IQCB1: variants seen among roughly 807,000 people sequenced by gnomAD.
IQCB1 encodes the protein IQ calmodulin-binding motif-containing protein 1.
In IQCB1, 56 loss-of-function variants were observed where a neutral mutation model predicts 84.4. The ratio of observed to expected loss-of-function variants is 0.66; its 90% CI spans 0.54 to 0.83. The LOEUF (loss-of-function observed/expected upper bound fraction) is 0.83, where lower values mean the gene tolerates loss of function less well. IQCB1 is among the 40% of genes least tolerant of loss of function. The pLI, the probability that IQCB1 is intolerant of heterozygous loss-of-function variation, is 0.00. For missense variants in IQCB1, 629 were observed against 682.1 expected (o/e 0.92, Z 0.87); for synonymous variants, 210 against 234.8 (o/e 0.89, Z 0.96).
At chr3:121,772,201 A>C (rs554140631) in intron 14 of IQCB1, among the ~76,000 whole-genome samples, 1 of 152,170 alleles carries the variant, frequency 6.6e-6, no homozygotes, top group East Asian at 1.9e-4. Context: ...AAATTTATAA[A>C]ATGCTCTACA....
chr3:121,783,482 T>C (rs910906208), intron 12 of IQCB1, among the ~76,000 whole-genome samples: 10 of 152,238 alleles, frequency 6.6e-5, no homozygotes, highest in African/African-American at 2.4e-4. Flanking sequence ...TTGAACAATA[T>C]AGTACACTAT....
intron 5 of IQCB1, among the ~76,000 whole-genome samples, chr3:121,825,610 A>T (rs1030499015): frequency 1.3e-5 from 2 of 152,222 alleles, no homozygotes; most frequent in Admixed American, 1.3e-4. Flanking sequence ...AATGCAACCA[A>T]GAAATACTTG....
At chr3:121,781,050 T>G (rs1353749440) in intron 13 of IQCB1, among the ~76,000 whole-genome samples, 1 of 152,192 alleles carries the variant, frequency 6.6e-6, no homozygotes. Context: ...ATTACATAAG[T>G]GTGAAAGCAC....
At position 121,781,877 on chromosome 3, in the gene IQCB1, G is replaced by A; in HGVS notation, c.1279-3C>T. 6.2e-7 allele frequency: 1 copy of A among 1,612,242 alleles called. No individual in the cohort carries two copies. The highest frequency in any genetic ancestry group is 2.2e-5 in the East Asian group (1 of 44,780). On this transcript the variant is annotated splice_region_variant and splice_polypyrimidine_tract_variant and intron_variant, in intron 12 of 14. Coordinates refer to ENST00000310864, the MANE Select transcript of IQCB1 (RefSeq NM_001023570.4). ...CACTTCGCTAGGAATTTAAGCGCCT[G>A]GAAGAAAAAAAATTGAAGGTTTGTG... is the stretch of plus-strand genomic sequence containing the variant.
chr3:121,791,173 T>A (rs774464049), intron 10 of IQCB1, among the ~76,000 whole-genome samples: 2 of 152,204 alleles, frequency 1.3e-5, no homozygotes, highest in Non-Finnish European at 2.9e-5. Context: ...TAATTTGACA[T>A]GTGTCTCCCT....
chr3:121,805,856 G>C (rs1018312687), intron 7 of IQCB1, among the ~76,000 whole-genome samples: 3 of 152,080 alleles, frequency 2.0e-5, no homozygotes, highest in Admixed American at 2.0e-4. Flanking sequence ...TACATGTATA[G>C]CTCTCTTCTC....
chr3:121,770,511 G>T lies in IQCB1; in HGVS notation c.1631C>A (p.Pro544His). ...EPELFLSRSR[P>H]VAAKAKQAHL... ...GGCCTGCTTGGCCTTGGCTGCCACA[G>T]GCCTGGATCTACTTAGGAAGAGCTC... is the stretch of plus-strand genomic sequence containing the variant. The change falls in exon 15 of 15, where the codon CCT becomes CAT. Residue 544 changes from proline to histidine, a missense_variant. Transcript: ENST00000310864. The T allele has an allele frequency of 6.2e-7, 1 of 1,614,182 alleles. No individual in the cohort carries two copies. The highest frequency in any genetic ancestry group is 8.5e-7 in the Non-Finnish European group (1 of 1,180,012).
At chr3:121,814,009 C>T (rs563338968) in intron 5 of IQCB1, among the ~76,000 whole-genome samples, 1 of 152,240 alleles carries the variant, frequency 6.6e-6, no homozygotes, top group Non-Finnish European at 1.5e-5. Flanking sequence ...CTAAAATCGA[C>T]CACATAATTG....
At chr3:121,810,388 G>T (rs1949779283) in intron 5 of IQCB1, among the ~76,000 whole-genome samples, 2 of 151,834 alleles carry the variant, frequency 1.3e-5, no homozygotes, top group Non-Finnish European at 1.5e-5. Flanking sequence ...TTTTAATTTT[G>T]CCCTGTGGTT....
chr3:121,832,926 C>T lies in IQCB1; in HGVS notation c.-13+1465G>A, dbSNP rs73181820. ...TAGACATAACAGAAACAATCTGAAA[C>T]GTCACATTTTCATGCACTATGTATA... On this transcript the variant is annotated intron_variant, in intron 2 of 14. Transcript: ENST00000310864. Among the ~76,000 whole-genome samples, 275 of 152,210 alleles carry T rather than the reference C, an allele frequency of 1.8e-3. 1 individual carries two copies. Among genetic ancestry groups the T allele is most frequent in the Non-Finnish European group, 2.7e-3 (183 of 68,010 alleles).
In IQCB1 at chr3:121,822,388, A is replaced by T. The variant is rs146530750; in HGVS notation, c.393+3663T>A. Among the ~76,000 whole-genome samples, 7 of 152,310 alleles carry T rather than the reference A, an allele frequency of 4.6e-5. No individual in the cohort carries two copies. The East Asian group carries it at 1.3e-3, about 29-fold the overall frequency. On this transcript the variant is annotated intron_variant, in intron 5 of 14. Transcript: ENST00000310864. ...GGAAAGAGTTCAAATAAGAAGTTGC[A>T]GTATAACTTGGCTGAGGAGTCAGAA...
In IQCB1 at chr3:121,828,576, T is replaced by C. The variant is rs542335278; in HGVS notation, c.157A>G (p.Ile53Val). 5 of 1,603,302 alleles carry C rather than the reference T, an allele frequency of 3.1e-6. No homozygotes were observed. The highest frequency in any genetic ancestry group is 3.3e-5 in the Admixed American group (2 of 59,986). Residue 53 changes from isoleucine (I) to valine (V), a missense_variant, in exon 4 of 15, where the codon ATA (isoleucine) becomes GTA (valine). By Grantham distance (29) the Ile-to-Val change is conservative. Transcript: ENST00000310864. ...SSELKKIKQDIYCYDLIQYCL... is the reference protein window; with the variant it reads ...SSELKKIKQDVYCYDLIQYCL... The stretch of plus-strand genomic sequence containing the variant: ...TATTGAATGAGATCATAACAATATA[T>C]ATCTTGTTTGATTTTCTTCAACTCT...
intron 10 of IQCB1, among the ~76,000 whole-genome samples, chr3:121,792,285 T>C (rs1212712458): frequency 6.6e-6 from 1 of 152,178 alleles, no homozygotes; most frequent in Non-Finnish European, 1.5e-5. Context: ...TTTAGGCATG[T>C]AGGCTATCAA....
chr3:121,818,034 T>A (rs1950138098), intron 5 of IQCB1, among the ~76,000 whole-genome samples: 1 of 152,146 alleles, frequency 6.6e-6, no homozygotes, highest in African/African-American at 2.4e-5. Context: ...GAAATAAATG[T>A]CTTTAAGTCA....
rs778033432 is a variant in IQCB1, at chr3:121,795,583, A to G, written c.877-17T>C. The G allele has an allele frequency of 2.1e-6, 3 of 1,447,276 alleles. No individual in the cohort carries two copies. Among genetic ancestry groups the G allele is most frequent in the Non-Finnish European group, 2.9e-6 (3 of 1,030,442 alleles). The allele number at this position is 1,447,276 out of a possible 1,614,324, so 89.7% of individuals were successfully genotyped here. A position where few individuals can be genotyped will look rare whatever the true frequency, so the allele number is the denominator to read the frequency against. ...ATGTAGTTTCTGAAATGCCGAAAAT[A>G]ATTTAGAGATATCTCTAGGAAGGTC... On this transcript the variant is annotated splice_polypyrimidine_tract_variant and intron_variant, in intron 9 of 14. Transcript: ENST00000310864.
At chr3:121,774,598 A>C (rs961329908) in intron 13 of IQCB1, among the ~76,000 whole-genome samples, 2 of 152,216 alleles carry the variant, frequency 1.3e-5, no homozygotes, top group Admixed American at 6.5e-5. Flanking sequence ...AAAAGTAGAA[A>C]ATTCCGACAT....
chr3:121,777,625 A>G (rs144055693), intron 13 of IQCB1, among the ~76,000 whole-genome samples: 13 of 152,260 alleles, frequency 8.5e-5, no homozygotes, highest in African/African-American at 1.9e-4. Flanking sequence ...TCTCTCTGGT[A>G]TCTTTTCCTG....
At chr3:121,777,622 G>C (rs992876180) in intron 13 of IQCB1, among the ~76,000 whole-genome samples, 5 of 151,924 alleles carry the variant, frequency 3.3e-5, no homozygotes, top group African/African-American at 1.2e-4. Flanking sequence ...ATTTCTCTCT[G>C]GTATCTTTTC....
At chr3:121,774,073 A>AT (rs1948121908) in intron 13 of IQCB1, among the ~76,000 whole-genome samples, 1 of 137,432 alleles carries the variant, frequency 7.3e-6, no homozygotes, top group Non-Finnish European at 1.6e-5. Flanking sequence ...AAACAACCTG[A>AT]TTAAAAAATG....
Sources: gnomAD v4.1 joint callset for allele counts (sites outside exome capture counted in the v4.1 genomes callset) on GRCh38, gnomAD v4.1.1 for gene constraint, MANE v1.5 for transcripts, NCBI Gene and HGNC (gene_info 2026-07-23, HGNC 2026-07-21) for gene names.